PIK3C3: variants seen among roughly 807,000 people sequenced by gnomAD.
The protein encoded by PIK3C3 is PI3-kinase type 3.
PIK3C3 carries 95 observed loss-of-function variants against 126.1 expected under a neutral mutation model. That is an observed-to-expected ratio of 0.75 (90% confidence interval 0.64 to 0.89). The LOEUF is 0.89. Among genes scored for constraint, PIK3C3 ranks in the 40% least tolerant of loss-of-function variants. The pLI, the probability that PIK3C3 is intolerant of heterozygous loss-of-function variation, is 0.00. For missense variants in PIK3C3, 829 were observed against 1,063.2 expected, an observed-to-expected ratio of 0.78 and a Z score of 3.06; for synonymous variants, 374 against 360.0, an observed-to-expected ratio of 1.04 and a Z score of -0.44.
rs141531467 is a variant in PIK3C3 at position 41,998,683 on chromosome 18, G to A, written c.984+1953G>A. Among the ~76,000 whole-genome samples the A allele has an allele frequency of 2.2e-3, 338 of 152,272 alleles. 1 individual carries two copies. The highest frequency in any genetic ancestry group is 7.5e-3 in the African/African-American group (312 of 41,576). On this transcript the variant is annotated intron_variant, in intron 9 of 24. Transcript: ENST00000262039. Reference sequence around the variant, plus strand: ...GATGAAACTTCAATTCTCAGGATATGTTATAGGATTCTTCTGACCACTAGA... The same window carrying A: ...GATGAAACTTCAATTCTCAGGATATATTATAGGATTCTTCTGACCACTAGA...
chr18:41,992,351 C>G (rs186702570), intron 6 of PIK3C3, among the ~76,000 whole-genome samples: 1 of 152,254 alleles, frequency 6.6e-6, no homozygotes, highest in Admixed American at 6.5e-5. Flanking sequence ...TGTTAAACAA[C>G]GGCTGTGGGA....
intron 24 of PIK3C3, among the ~76,000 whole-genome samples, chr18:42,080,052 G>A (rs2144542740): frequency 6.7e-6 from 1 of 149,338 alleles, no homozygotes; most frequent in African/African-American, 2.5e-5. Context: ...TATTAATTTG[G>A]TCCTCGGGCA....
At chr18:41,978,531 G>C (rs1341025304) in intron 4 of PIK3C3, among the ~76,000 whole-genome samples, 1 of 152,132 alleles carries the variant, frequency 6.6e-6, no homozygotes, top group Admixed American at 6.5e-5. Flanking sequence ...ATTTGGCATG[G>C]ACTAAAGAAG....
chr18:42,079,759 ACTCC>A (rs1275021383), intron 24 of PIK3C3, among the ~76,000 whole-genome samples: 1 of 152,108 alleles, frequency 6.6e-6, no homozygotes, highest in East Asian at 1.9e-4. Context: ...AGTTATTTAG[ACTCC>A]CTCGTATGTT....
chr18:41,995,357 T>G (rs1981976753), intron 7 of PIK3C3, among the ~76,000 whole-genome samples: 2 of 152,116 alleles, frequency 1.3e-5, no homozygotes, highest in South Asian at 4.1e-4. Context: ...ATAATATAAA[T>G]TTATATCTTG....
intron 11 of PIK3C3, among the ~76,000 whole-genome samples, chr18:42,014,438 T>A (rs1187766742): frequency 6.6e-6 from 1 of 152,132 alleles, no homozygotes; most frequent in Non-Finnish European, 1.5e-5. Flanking sequence ...TCCACACACA[T>A]TATCGTGTTA....
chr18:41,970,931 A>G (rs1352705318), intron 4 of PIK3C3: 3 of 176,616 alleles, frequency 1.7e-5, no homozygotes, highest in East Asian at 3.1e-4. Context: ...TTCTGGTGAC[A>G]TAGCCTTAAA....
At chr18:42,067,562 C>G (rs1985596035) in intron 24 of PIK3C3, 49 bp downstream of exon 24, 1 of 1,594,880 alleles carries the variant, frequency 6.3e-7, no homozygotes, top group Non-Finnish European at 8.6e-7. Flanking sequence ...CCGTGTACTG[C>G]CCCAGAGTCC....
chr18:41,991,409 G>A (rs510946), intron 6 of PIK3C3, among the ~76,000 whole-genome samples: 48,435 of 151,846 alleles, frequency 0.32, 8,406 homozygotes, highest in African/African-American at 0.45. Flanking sequence ...ACCACATAAA[G>A]TATCTTCTAT....
intron 22 of PIK3C3, among the ~76,000 whole-genome samples, chr18:42,058,409 A>G (rs188722955): frequency 2.9e-4 from 44 of 152,292 alleles, no homozygotes; most frequent in Admixed American, 6.5e-4. Flanking sequence ...GAAACTTCAT[A>G]CCATTCAGAT....
chr18:41,998,932 G>T (rs1184330453), intron 9 of PIK3C3, among the ~76,000 whole-genome samples: 1 of 152,146 alleles, frequency 6.6e-6, no homozygotes, highest in Non-Finnish European at 1.5e-5. Context: ...TATGATTTAG[G>T]TTACTTGACA....
At chr18:42,045,733 C>G (rs1984531216) in intron 20 of PIK3C3, among the ~76,000 whole-genome samples, 1 of 152,162 alleles carries the variant, frequency 6.6e-6, no homozygotes, top group African/African-American at 2.4e-5. Flanking sequence ...GATCCAAGCT[C>G]TGGATGAAAA....
intron 23 of PIK3C3, among the ~76,000 whole-genome samples, chr18:42,065,285 C>G (rs1403942089): frequency 6.6e-6 from 1 of 152,044 alleles, no homozygotes; most frequent in Admixed American, 6.6e-5. Context: ...TAGAAACACC[C>G]TGAGATGACC....
intron 5 of PIK3C3, among the ~76,000 whole-genome samples, chr18:41,990,231 T>G (rs531096766): frequency 3.9e-5 from 6 of 152,112 alleles, no homozygotes; most frequent in African/African-American, 1.4e-4. Flanking sequence ...GAGAAAGCAG[T>G]TATAAGTGCA....
rs544517902 is a variant in PIK3C3 at position 42,037,579 on chromosome 18, A to G, written c.1840-113A>G. ...TCATTGAAAACCCAACTTGTTTTTTAGGTCCTATTTACCTGTGTATTTATC... is the reference window on the plus strand; with the variant it reads ...TCATTGAAAACCCAACTTGTTTTTTGGGTCCTATTTACCTGTGTATTTATC... On this transcript the variant is annotated intron_variant, in intron 16 of 24. Coordinates refer to ENST00000262039, the MANE Select transcript of PIK3C3 (RefSeq NM_002647.4). The G allele has an allele frequency of 2.2e-4, 198 of 892,388 alleles. No individual in the cohort carries two copies. The African/African-American group carries it at 3.1e-3, about 14-fold the overall frequency. The allele number at this position is 892,388 out of a possible 1,614,324, so 55.3% of individuals were successfully genotyped here.
chr18:41,985,640 G>T (rs1219928767), intron 4 of PIK3C3, among the ~76,000 whole-genome samples: 1 of 151,954 alleles, frequency 6.6e-6, no homozygotes, highest in East Asian at 1.9e-4. Flanking sequence ...TAATTTTTCT[G>T]TATTGCAAAT....
intron 9 of PIK3C3, among the ~76,000 whole-genome samples, chr18:42,003,144 A>G (rs1314268917): frequency 6.6e-6 from 1 of 152,208 alleles, no homozygotes; most frequent in Non-Finnish European, 1.5e-5. Flanking sequence ...TTTTCTTAAT[A>G]AAATCAAGAA....
intron 24 of PIK3C3, among the ~76,000 whole-genome samples, chr18:42,076,115 T>TATATATATATATATATATGCA (rs1985982058): frequency 1.4e-5 from 1 of 73,800 alleles, no homozygotes; most frequent in African/African-American, 7.3e-5. Flanking sequence ...TATATATATA[T>TATATATATATATATATATGCA]ATATATGCGC....
chr18:42,023,087 A>T (rs1983398970), intron 13 of PIK3C3, among the ~76,000 whole-genome samples: 1 of 152,182 alleles, frequency 6.6e-6, no homozygotes, highest in African/African-American at 2.4e-5. Flanking sequence ...ATATTTTTAA[A>T]ACCATTTGCT....
Sources: allele counts gnomAD v4.1 joint callset (sites outside exome capture counted in the v4.1 genomes callset), GRCh38; gene constraint gnomAD v4.1.1; transcripts MANE v1.5; gene names NCBI Gene and HGNC (gene_info 2026-07-23, HGNC 2026-07-21).